PLPP4: variants seen among roughly 807,000 people sequenced by gnomAD.
PLPP4 encodes the protein diacylglycerol pyrophosphate like 2.
In PLPP4, 20 loss-of-function variants were observed where a neutral mutation model predicts 32.2. The observed-to-expected ratio is 0.62, with a 90% confidence interval of 0.44 to 0.90. PLPP4 has a LOEUF of 0.90. PLPP4 is among the 40% of genes least tolerant of loss of function. PLPP4 has a pLI of 0.00. For missense variants in PLPP4, 257 were observed against 353.1 expected, an observed-to-expected ratio of 0.73 and a Z score of 2.18; for synonymous variants, 127 against 133.0, an observed-to-expected ratio of 0.95 and a Z score of 0.31.
intron 2 of PLPP4, among the ~76,000 whole-genome samples, chr10:120,508,339 G>A (rs1845591582): frequency 1.3e-5 from 2 of 152,130 alleles, no homozygotes; most frequent in African/African-American, 4.8e-5. Flanking sequence ...GTGTCTTAAA[G>A]TTGTCTTTAT....
intron 5 of PLPP4, among the ~76,000 whole-genome samples, chr10:120,526,869 C>G (rs535033822): frequency 6.6e-6 from 1 of 152,186 alleles, no homozygotes; most frequent in Non-Finnish European, 1.5e-5. Context: ...CTGCAGGGCC[C>G]TGCCTGGTGA....
chr10:120,489,776 C>G (rs770143819), intron 1 of PLPP4, among the ~76,000 whole-genome samples: 30 of 152,172 alleles, frequency 2.0e-4, no homozygotes, highest in Admixed American at 1.8e-3. Context: ...GCAGCTCAAA[C>G]CAAATATGCA....
intron 1 of PLPP4, among the ~76,000 whole-genome samples, chr10:120,498,015 GGGTGACA>G (rs1845053715): frequency 6.6e-6 from 1 of 151,990 alleles, no homozygotes; most frequent in Admixed American, 6.6e-5. Flanking sequence ...ACTCCAGCCT[GGGTGACA>G]GAGCGAGACT....
chr10:120,562,905 T>C (rs1848500263), intron 5 of PLPP4, among the ~76,000 whole-genome samples: 1 of 152,136 alleles, frequency 6.6e-6, no homozygotes, highest in African/African-American at 2.4e-5. Context: ...AAAATAGAAA[T>C]ATGAGACCTA....
intron 5 of PLPP4, among the ~76,000 whole-genome samples, chr10:120,526,874 T>A (rs1195032504): frequency 6.6e-6 from 1 of 152,162 alleles, no homozygotes; most frequent in Non-Finnish European, 1.5e-5. Context: ...GGGCCCTGCC[T>A]GGTGAATGGG....
rs76628834 is a variant in PLPP4, at chr10:120,584,988, T to C, written c.617-4315T>C. 6.8e-3 allele frequency among the ~76,000 whole-genome samples: 1,031 copies of C among 152,376 alleles called. 17 individuals carry two copies. The highest frequency in any genetic ancestry group is 0.023 in the African/African-American group (970 of 41,596). On this transcript the variant is annotated intron_variant, in intron 6 of 6. Transcript: ENST00000398250. The stretch of plus-strand genomic sequence containing the variant: ...GAATGGTTTGATGTCTTTTGGTCAA[T>C]GATCCACCTAATGAAATGCTGCTTC...
chr10:120,576,629 A>T (rs1358208916), intron 6 of PLPP4, among the ~76,000 whole-genome samples: 1 of 152,210 alleles, frequency 6.6e-6, no homozygotes, highest in Non-Finnish European at 1.5e-5. Flanking sequence ...TGAAGGGTAT[A>T]GGGAAAGAGA....
At chr10:120,493,808 C>G (rs1184015366) in intron 1 of PLPP4, among the ~76,000 whole-genome samples, 1 of 152,144 alleles carries the variant, frequency 6.6e-6, no homozygotes, top group African/African-American at 2.4e-5. Context: ...CAGATGAGAT[C>G]AACGGCAGCT....
intron 2 of PLPP4, among the ~76,000 whole-genome samples, 189 bp downstream of exon 2, chr10:120,504,115 G>A (rs959419979): frequency 6.6e-6 from 1 of 152,198 alleles, no homozygotes; most frequent in South Asian, 2.1e-4. Context: ...GAAGTAGTCT[G>A]TTAGAAATGC....
At chr10:120,477,343 G>A (rs543966178) in intron 1 of PLPP4, among the ~76,000 whole-genome samples, 2 of 146,912 alleles carry the variant, frequency 1.4e-5, no homozygotes, top group South Asian at 2.2e-4. Flanking sequence ...AAGGTATGTC[G>A]AATAATTGTA....
chr10:120,484,014 G>T (rs1844331137), intron 1 of PLPP4, among the ~76,000 whole-genome samples: 1 of 152,238 alleles, frequency 6.6e-6, no homozygotes. Context: ...AGAGACAAAT[G>T]AGGGCTCTGC....
intron 5 of PLPP4, among the ~76,000 whole-genome samples, chr10:120,525,498 A>G (rs935414827): frequency 9.2e-5 from 14 of 152,192 alleles, no homozygotes; most frequent in Non-Finnish European, 1.8e-4. Context: ...ATGTACCAGG[A>G]TGAGCCCTTG....
At chr10:120,559,401 C>T (rs1848316326) in intron 5 of PLPP4, among the ~76,000 whole-genome samples, 1 of 150,606 alleles carries the variant, frequency 6.6e-6, no homozygotes, top group Non-Finnish European at 1.5e-5. Flanking sequence ...TTTTATAATC[C>T]TTATTAAAGA....
rs1849950948 is a variant in PLPP4, at chr10:120,590,199, T to C, written c.*697T>C. ...TGCCTGAGGGTTCATGGGCACAATA[T>C]CCTTCCCATCTTCCAGTCTAAGTTT... On this transcript the variant is annotated 3_prime_UTR_variant, in exon 7 of 7. Transcript: ENST00000398250. Among the ~76,000 whole-genome samples, 1 of 152,200 alleles carries C rather than the reference T, an allele frequency of 6.6e-6. No individual in the cohort carries two copies. The highest frequency in any genetic ancestry group is 6.5e-5 in the Admixed American group (1 of 15,280).
At chr10:120,470,684 A>C (rs909766920) in intron 1 of PLPP4, among the ~76,000 whole-genome samples, 1 of 152,112 alleles carries the variant, frequency 6.6e-6, no homozygotes, top group African/African-American at 2.4e-5. Flanking sequence ...TCTATTCTGA[A>C]TATCTATTTG....
rs766256076 is a variant in PLPP4 at position 120,575,218 on chromosome 10, G to A, written c.533G>A (p.Arg178Gln). 13 of 1,613,894 alleles carry A rather than the reference G, an allele frequency of 8.1e-6. No individual in the cohort carries two copies. The African/African-American group carries it at 9.3e-5, about 12-fold the overall frequency. ...GAGAGTGGGCGGGGAAAGAGCTGGC[G>A]GCTCTGTGCTGCCATCCTGCCCTTG... ...FTESGRGKSW[R>Q]LCAAILPLYC... The change falls in exon 6 of 7, where the codon CGG becomes CAG. Residue 178 changes from arginine to glutamine, a missense_variant. Transcript: ENST00000398250.
At chr10:120,496,434 A>G in intron 1 of PLPP4, among the ~76,000 whole-genome samples, 1 of 152,088 alleles carries the variant, frequency 6.6e-6, no homozygotes, top group African/African-American at 2.4e-5. Context: ...ATACCTTGGA[A>G]CATCCCTAGA....
intron 5 of PLPP4, among the ~76,000 whole-genome samples, chr10:120,537,810 T>G (rs968018032): frequency 6.6e-6 from 1 of 151,924 alleles, no homozygotes; most frequent in Non-Finnish European, 1.5e-5. Flanking sequence ...ATATATACAA[T>G]TATTATTTGT....
chr10:120,524,790 C>A (rs141897389), intron 5 of PLPP4, among the ~76,000 whole-genome samples: 1 of 152,256 alleles, frequency 6.6e-6, no homozygotes, highest in African/African-American at 2.4e-5. Flanking sequence ...CTAAAAGAAG[C>A]TTAGGCTTTA....
Sources: allele counts gnomAD v4.1 joint callset (sites outside exome capture counted in the v4.1 genomes callset), GRCh38; gene constraint gnomAD v4.1.1; transcripts MANE v1.5; gene names NCBI Gene and HGNC (gene_info 2026-07-23, HGNC 2026-07-21).